The following DTWD2 variants were observed in gnomAD, a reference collection of about 807,000 sequenced individuals.
The protein encoded by DTWD2 is tRNA-uridine aminocarboxypropyltransferase 2.
Under a neutral mutation model 31.8 loss-of-function variants are expected in DTWD2, and 39 were observed. The ratio of observed to expected loss-of-function variants is 1.22; its 90% CI spans 0.95 to 1.60. The LOEUF (loss-of-function observed/expected upper bound fraction) is 1.60, where lower values mean the gene tolerates loss of function less well. Among genes scored for constraint, DTWD2 ranks in the 40% most tolerant of loss-of-function variants. The pLI, the probability that DTWD2 is intolerant of heterozygous loss-of-function variation, is 0.00. For missense variants in DTWD2, 515 were observed against 381.5 expected, an observed-to-expected ratio of 1.35 and a Z score of -2.92; for synonymous variants, 180 against 142.8, an observed-to-expected ratio of 1.26 and a Z score of -1.86.
intron 5 of DTWD2, 149 bp from the exon 6 acceptor site, chr5:118,841,236 A>G: frequency 1.3e-6 from 1 of 776,708 alleles, no homozygotes; most frequent in Non-Finnish European, 2.0e-6. Flanking sequence ...TGATAAATAT[A>G]TAATTATTTC....
At chr5:118,896,541 G>C (rs971752593) in intron 4 of DTWD2, among the ~76,000 whole-genome samples, 4 of 151,152 alleles carry the variant, frequency 2.6e-5, no homozygotes, top group Admixed American at 1.3e-4. Context: ...AACCAGAGAA[G>C]GTATAGATAA....
At position 118,939,281 on chromosome 5, in the gene DTWD2, C is replaced by T. The variant is rs778081745; in HGVS notation, c.319G>A (p.Val107Met). ...IIQHPAEENK[V>M]LRTVPLLAAC... ...GCTAGTAGAGGAACTGTACGCAACA[C>T]TTTGTTTTCCTTTAATTAAAAAATG... Residue 107 changes from valine (V) to methionine (M), a missense_variant, in exon 3 of 6, where the codon GTG becomes ATG. Coordinates refer to ENST00000510708, the MANE Select transcript of DTWD2 (RefSeq NM_173666.4). 2 of 1,568,662 alleles carry T rather than the reference C, an allele frequency of 1.3e-6. No individual in the cohort carries two copies. Among genetic ancestry groups the T allele is most frequent in the Non-Finnish European group, 1.7e-6 (2 of 1,158,946 alleles).
In DTWD2 at chr5:118,840,226, A is replaced by G. The variant is rs1394886987; in HGVS notation, c.*691T>C. On this transcript the variant is annotated 3_prime_UTR_variant, in exon 6 of 6. Coordinates refer to ENST00000510708, the MANE Select transcript of DTWD2 (RefSeq NM_173666.4). ...TTTTCCATATGAAAACATCAATAAA[A>G]TAAGTTTACCAGAGTCAATAAGCCT... The G allele has an allele frequency of 6.6e-6, 1 of 152,238 alleles. No homozygotes were observed. Among genetic ancestry groups the G allele is most frequent in the Non-Finnish European group, 1.5e-5 (1 of 68,028 alleles). 9.4% of individuals were successfully genotyped at this position (152,238 alleles called of 1,614,324 possible).
At chr5:118,902,257 C>T (rs1296213120) in intron 4 of DTWD2, among the ~76,000 whole-genome samples, 2 of 152,064 alleles carry the variant, frequency 1.3e-5, no homozygotes, top group East Asian at 1.9e-4. Context: ...AAAATAAGTC[C>T]TTTCTGTTAA....
intron 4 of DTWD2, among the ~76,000 whole-genome samples, chr5:118,898,630 G>A (rs1260443985): frequency 7.0e-6 from 1 of 143,840 alleles, no homozygotes; most frequent in Admixed American, 7.2e-5. Context: ...CTGCACTCCT[G>A]CCTGGGCAAC....
At chr5:118,870,721 G>A (rs1752482752) in intron 4 of DTWD2, among the ~76,000 whole-genome samples, 1 of 152,100 alleles carries the variant, frequency 6.6e-6, no homozygotes, top group Non-Finnish European at 1.5e-5. Flanking sequence ...GTAGGCTGTG[G>A]CAATTTCATA....
intron 3 of DTWD2, among the ~76,000 whole-genome samples, chr5:118,933,421 A>G (rs550924751): frequency 1.3e-5 from 2 of 152,298 alleles, no homozygotes; most frequent in East Asian, 3.9e-4. Context: ...TCTCAACAAA[A>G]TATCAGCAAA....
intron 4 of DTWD2, among the ~76,000 whole-genome samples, chr5:118,910,903 G>C (rs559426459): frequency 3.3e-5 from 5 of 152,250 alleles, no homozygotes; most frequent in African/African-American, 1.2e-4. Context: ...GCACACATAA[G>C]CTCCCTCAGG....
At chr5:118,936,670 T>G (rs1355257606) in intron 3 of DTWD2, among the ~76,000 whole-genome samples, 1 of 151,472 alleles carries the variant, frequency 6.6e-6, no homozygotes, top group Non-Finnish European at 1.5e-5. Context: ...TATGCTTATA[T>G]GAATGAACAA....
At chr5:118,874,399 A>G (rs1290796743) in intron 4 of DTWD2, among the ~76,000 whole-genome samples, 1 of 152,226 alleles carries the variant, frequency 6.6e-6, no homozygotes. Flanking sequence ...GAATATGAAT[A>G]TGAACAAAGT....
intron 4 of DTWD2, among the ~76,000 whole-genome samples, chr5:118,926,377 T>A (rs1486272544): frequency 1.3e-5 from 2 of 152,076 alleles, no homozygotes; most frequent in African/African-American, 4.8e-5. Context: ...ACATAATAAA[T>A]TTTGGGGACT....
chr5:118,901,679 A>G (rs1368199042), intron 4 of DTWD2, among the ~76,000 whole-genome samples: 2 of 152,216 alleles, frequency 1.3e-5, no homozygotes, highest in African/African-American at 4.8e-5. Flanking sequence ...CTGTCAATAA[A>G]AATTAAAATA....
chr5:118,896,476 AAC>A, intron 4 of DTWD2, among the ~76,000 whole-genome samples: 1 of 149,160 alleles, frequency 6.7e-6, no homozygotes. Flanking sequence ...GAAAAAAAAA[AAC>A]ATTAATTCTC....
chr5:118,931,550 C>T (rs1031358536), intron 3 of DTWD2, among the ~76,000 whole-genome samples: 5 of 151,994 alleles, frequency 3.3e-5, no homozygotes, highest in Admixed American at 6.5e-5. Flanking sequence ...AATCTTTTAA[C>T]ATGTATGTAC....
At chr5:118,857,033 T>C (rs1353242717) in intron 4 of DTWD2, among the ~76,000 whole-genome samples, 2 of 151,948 alleles carry the variant, frequency 1.3e-5, no homozygotes, top group African/African-American at 4.8e-5. Context: ...CACCTCAGCC[T>C]CCCAAAGTGC....
At chr5:118,849,914 A>G (rs1751958229) in intron 4 of DTWD2, among the ~76,000 whole-genome samples, 1 of 152,054 alleles carries the variant, frequency 6.6e-6, no homozygotes, top group African/African-American at 2.4e-5. Flanking sequence ...CATTAGGAGA[A>G]ATACCTAATG....
chr5:118,841,164 TAGG>T, intron 5 of DTWD2, 77 bp from the exon 6 acceptor site: 1 of 1,485,282 alleles, frequency 6.7e-7, no homozygotes, highest in South Asian at 1.3e-5. Flanking sequence ...CATTCAGAAA[TAGG>T]AGTTACTATG....
At chr5:118,860,223 A>G (rs1375348437) in intron 4 of DTWD2, among the ~76,000 whole-genome samples, 1 of 149,570 alleles carries the variant, frequency 6.7e-6, no homozygotes, top group Non-Finnish European at 1.5e-5. Flanking sequence ...TATGTATTGT[A>G]TTTATTAATA....
At chr5:118,966,953 C>T (rs1042388151) in intron 1 of DTWD2, among the ~76,000 whole-genome samples, 18 of 151,632 alleles carry the variant, frequency 1.2e-4, no homozygotes, top group African/African-American at 4.4e-4. Flanking sequence ...ATCTCTTGAA[C>T]CTGGGAGGTA....
Sources: gnomAD v4.1 joint callset for allele counts (sites outside exome capture counted in the v4.1 genomes callset) on GRCh38, gnomAD v4.1.1 for gene constraint, MANE v1.5 for transcripts, NCBI Gene and HGNC (gene_info 2026-07-23, HGNC 2026-07-21) for gene names.